The following ENOX1 variants were observed in gnomAD, a reference collection of about 807,000 sequenced individuals.
ENOX1 encodes ecto-NOX disulfide-thiol exchanger 1, also known as candidate growth-related and time keeping constitutive hydroquinone (NADH) oxidase.
ENOX1 carries 42 observed loss-of-function variants against 82.5 expected under a neutral mutation model. The observed-to-expected ratio is 0.51, with a 90% CI of 0.40 to 0.66. The LOEUF is 0.66. ENOX1 is among the 30% of genes least tolerant of loss of function. ENOX1 has a pLI of 0.00. For missense variants in ENOX1, 608 were observed against 811.6 expected (o/e 0.75, Z 3.05); for synonymous variants, 271 against 282.2 (o/e 0.96, Z 0.40).
intron 5 of ENOX1, among the ~76,000 whole-genome samples, chr13:43,362,573 T>C (rs1319933624): frequency 1.3e-5 from 2 of 152,154 alleles, no homozygotes; most frequent in Admixed American, 1.3e-4. Flanking sequence ...ACAACCCCTT[T>C]GTACAGTTCT....
intron 1 of ENOX1, among the ~76,000 whole-genome samples, chr13:43,727,466 A>T (rs1203262621): frequency 3.3e-5 from 5 of 152,178 alleles, no homozygotes. Flanking sequence ...CATCCTTACA[A>T]TGTTGTTCCA....
intron 3 of ENOX1, among the ~76,000 whole-genome samples, chr13:43,471,279 TGGGGTA>T (rs1416830508): frequency 1.3e-5 from 2 of 152,016 alleles, no homozygotes; most frequent in Non-Finnish European, 2.9e-5. Flanking sequence ...TTACTCTTGG[TGGGGTA>T]GGGATACTGG....
At chr13:43,464,130 G>T (rs1288406801) in intron 3 of ENOX1, among the ~76,000 whole-genome samples, 1 of 152,158 alleles carries the variant, frequency 6.6e-6, no homozygotes, top group Non-Finnish European at 1.5e-5. Context: ...ATTCTAAGAT[G>T]ATTTCTGAAG....
chr13:43,623,296 G>A (rs2082822338), intron 2 of ENOX1, among the ~76,000 whole-genome samples: 1 of 152,150 alleles, frequency 6.6e-6, no homozygotes, highest in Non-Finnish European at 1.5e-5. Flanking sequence ...CGTTCAAATT[G>A]TTACAAAGTT....
At chr13:43,351,347 G>C (rs1566577952) in intron 8 of ENOX1, among the ~76,000 whole-genome samples, 1 of 152,150 alleles carries the variant, frequency 6.6e-6, no homozygotes, top group Non-Finnish European at 1.5e-5. Context: ...GGGGCAATAT[G>C]AAAATGCACT....
chr13:43,268,618 T>A (rs769169753), intron 13 of ENOX1, among the ~76,000 whole-genome samples: 1 of 152,166 alleles, frequency 6.6e-6, no homozygotes, highest in Non-Finnish European at 1.5e-5. Context: ...GACTTTATAT[T>A]TTCTCAAATG....
At chr13:43,730,616 G>T (rs6561145) in intron 1 of ENOX1, among the ~76,000 whole-genome samples, 1 of 151,986 alleles carries the variant, frequency 6.6e-6, no homozygotes, top group Non-Finnish European at 1.5e-5. Context: ...CATCATACTG[G>T]CTCCATCACA....
chr13:43,316,240 G>A (rs10492572), intron 11 of ENOX1, among the ~76,000 whole-genome samples: 15,291 of 152,226 alleles, frequency 0.1, 922 homozygotes, highest in Middle Eastern at 0.14. Flanking sequence ...GATCAAACAG[G>A]TATGGATTGT....
intron 3 of ENOX1, among the ~76,000 whole-genome samples, chr13:43,435,649 A>G (rs2055976674): frequency 6.6e-6 from 1 of 152,190 alleles, no homozygotes; most frequent in South Asian, 2.1e-4. Flanking sequence ...AAATACTTAC[A>G]TGCTGTTGGT....
intron 12 of ENOX1, among the ~76,000 whole-genome samples, chr13:43,294,509 G>A (rs954021418): frequency 8.5e-5 from 13 of 152,286 alleles, no homozygotes; most frequent in African/African-American, 1.7e-4. Flanking sequence ...TGCAGAACTG[G>A]AGTTTGCAGA....
intron 2 of ENOX1, chr13:43,543,921 T>C (rs1414967608): frequency 1.1e-4 from 15 of 137,352 alleles, no homozygotes; most frequent in South Asian, 8.0e-4. Context: ...TTCTTTTTTT[T>C]TTTTTTTTTT....
chr13:43,576,328 T>C (rs2080420372), intron 2 of ENOX1, among the ~76,000 whole-genome samples: 1 of 152,206 alleles, frequency 6.6e-6, no homozygotes, highest in African/African-American at 2.4e-5. Flanking sequence ...CTGCTTTCTC[T>C]AGGAAAGCTT....
chr13:43,363,794 A>G (rs967927744), intron 5 of ENOX1, among the ~76,000 whole-genome samples: 1 of 152,330 alleles, frequency 6.6e-6, no homozygotes, highest in Admixed American at 6.5e-5. Context: ...TTGTTAACAG[A>G]CTTCTGTTTT....
intron 12 of ENOX1, among the ~76,000 whole-genome samples, chr13:43,291,964 C>T (rs753101312): frequency 1.8e-4 from 28 of 152,104 alleles, no homozygotes; most frequent in Admixed American, 9.8e-4. Context: ...GACTCGGCCA[C>T]GCAGCAGATC....
intron 3 of ENOX1, among the ~76,000 whole-genome samples, chr13:43,477,564 T>A (rs77975345): frequency 1.6e-3 from 241 of 152,288 alleles, no homozygotes; most frequent in African/African-American, 5.5e-3. Flanking sequence ...AAGAAAAGAC[T>A]ATCCTTGCAA....
In ENOX1 at chr13:43,688,852, A is replaced by T. The variant is rs140057077; in HGVS notation, c.-284-21308T>A. On this transcript the variant is annotated intron_variant, in intron 1 of 16. Coordinates refer to ENST00000690772, the MANE Select transcript of ENOX1 (RefSeq NM_001347969.2). The stretch of plus-strand genomic sequence containing the variant: ...ATATATCACCCAAGATGTGTCTAAT[A>T]AGCAGTTAGACAGTTGGATCTCAGT... Among the ~76,000 whole-genome samples, 40 of 152,328 alleles carry T rather than the reference A, an allele frequency of 2.6e-4. 1 individual carries two copies. Among genetic ancestry groups the T allele is most frequent in the Non-Finnish European group, 3.2e-4 (22 of 68,034 alleles).
intron 2 of ENOX1, among the ~76,000 whole-genome samples, chr13:43,598,317 C>T (rs1034922606): frequency 4.6e-5 from 7 of 152,290 alleles, no homozygotes; most frequent in African/African-American, 1.4e-4. Flanking sequence ...CCATTTTGCT[C>T]CATGCTTTCT....
chr13:43,525,474 G>T (rs533363856), intron 2 of ENOX1, among the ~76,000 whole-genome samples: 19 of 152,234 alleles, frequency 1.2e-4, no homozygotes, highest in Middle Eastern at 6.8e-3. Context: ...GTTCATCCAT[G>T]TTGGTTCTTT....
At chr13:43,485,617 G>A (rs2076386330) in intron 2 of ENOX1, among the ~76,000 whole-genome samples, 1 of 152,072 alleles carries the variant, frequency 6.6e-6, no homozygotes, top group African/African-American at 2.4e-5. Flanking sequence ...GAGGAAAACA[G>A]AGCTAGTTTA....
Sources: allele counts gnomAD v4.1 joint callset (sites outside exome capture counted in the v4.1 genomes callset), GRCh38; gene constraint gnomAD v4.1.1; transcripts MANE v1.5; gene names NCBI Gene and HGNC (gene_info 2026-07-23, HGNC 2026-07-21).